The following GRID1 variants were observed in gnomAD, a reference collection of about 807,000 sequenced individuals.
GRID1 encodes glutamate ionotropic receptor delta type subunit 1.
Under a neutral mutation model 98.0 loss-of-function variants are expected in GRID1, and 28 were observed. The ratio of observed to expected loss-of-function variants is 0.29; its 90% confidence interval spans 0.21 to 0.39. The LOEUF is 0.39. GRID1 is among the 10% of genes least tolerant of loss of function. The pLI is 1.00. For synonymous variants in GRID1, 553 were observed against 538.5 expected (o/e 1.03, Z -0.37); for missense variants, 1,111 against 1,340.5 (o/e 0.83, Z 2.67).
intron 2 of GRID1, among the ~76,000 whole-genome samples, chr10:86,244,431 G>A (rs749265878): frequency 1.4e-4 from 22 of 152,320 alleles, no homozygotes; most frequent in African/African-American, 1.9e-4. Context: ...TGATGCTCCC[G>A]CCCTAATTTC....
At chr10:85,648,046 A>C (rs890381977) in intron 12 of GRID1, 5 of 152,240 alleles carry the variant, frequency 3.3e-5, no homozygotes, top group Admixed American at 3.3e-4. Context: ...TGAAAAAATA[A>C]AAAAATTGGA....
chr10:86,114,619 C>T (rs948019265), intron 4 of GRID1, among the ~76,000 whole-genome samples: 1 of 152,174 alleles, frequency 6.6e-6, no homozygotes, highest in African/African-American at 2.4e-5. Flanking sequence ...TGCAGACCTG[C>T]CAGTTGGAAA....
At chr10:86,288,322 A>ACAGTCTC (rs1284916171) in intron 2 of GRID1, among the ~76,000 whole-genome samples, 1 of 152,214 alleles carries the variant, frequency 6.6e-6, no homozygotes, top group Non-Finnish European at 1.5e-5. Flanking sequence ...GGGAGAGCCC[A>ACAGTCTC]CAGTCTCCAG....
chr10:86,286,583 C>T (rs909034857), intron 2 of GRID1, among the ~76,000 whole-genome samples: 8 of 152,114 alleles, frequency 5.3e-5, no homozygotes, highest in Admixed American at 3.3e-4. Context: ...CGTGGCATCA[C>T]GAGGCAGATA....
rs74148749 is a variant in GRID1 at position 85,741,796 on chromosome 10, C to T, written c.1234-12182G>A. Among the ~76,000 whole-genome samples, 488 of 152,212 alleles carry T rather than the reference C, an allele frequency of 3.2e-3. 3 individuals are homozygous for T. Among genetic ancestry groups the T allele is most frequent in the African/African-American group, 0.011 (475 of 41,526 alleles). ...GATCCATGTCTGCCTTTAACCCCAA[C>T]CATCACACTTTCTACCTCGCTCACT... On this transcript the variant is annotated intron_variant, in intron 8 of 15. Transcript: ENST00000327946.
intron 4 of GRID1, among the ~76,000 whole-genome samples, chr10:86,056,797 C>CA (rs1361294617): frequency 1.1e-4 from 16 of 152,346 alleles, no homozygotes; most frequent in African/African-American, 3.8e-4. Context: ...GTTGCCCATA[C>CA]ATATGGCAGC....
At chr10:85,829,282 T>C (rs1842846771) in intron 8 of GRID1, among the ~76,000 whole-genome samples, 2 of 151,828 alleles carry the variant, frequency 1.3e-5, no homozygotes, top group Non-Finnish European at 2.9e-5. Flanking sequence ...CTCAACAAAC[T>C]AGGCATTAAA....
At chr10:86,040,020 C>T (rs563683749) in intron 4 of GRID1, among the ~76,000 whole-genome samples, 2 of 152,224 alleles carry the variant, frequency 1.3e-5, no homozygotes, top group Admixed American at 6.5e-5. Flanking sequence ...CTCCACAGAA[C>T]GGGATGCAAT....
At chr10:85,867,180 AG>A (rs1435286610) in intron 6 of GRID1, among the ~76,000 whole-genome samples, 1 of 152,166 alleles carries the variant, frequency 6.6e-6, no homozygotes, top group Admixed American at 6.5e-5. Flanking sequence ...CCACAGCAAA[AG>A]GGGGCATCAC....
At chr10:86,177,242 G>T (rs1425893960) in intron 3 of GRID1, among the ~76,000 whole-genome samples, 1 of 152,146 alleles carries the variant, frequency 6.6e-6, no homozygotes, top group African/African-American at 2.4e-5. Context: ...TCAGCGAAAA[G>T]GGTTATTTAG....
chr10:86,101,310 C>G (rs751429218), intron 4 of GRID1, among the ~76,000 whole-genome samples: 4 of 152,160 alleles, frequency 2.6e-5, no homozygotes, highest in African/African-American at 4.8e-5. Context: ...TAGCAAAATG[C>G]ATTATTTTGA....
intron 4 of GRID1, among the ~76,000 whole-genome samples, chr10:86,096,115 T>C (rs2131941625): frequency 6.6e-6 from 1 of 152,244 alleles, no homozygotes; most frequent in Non-Finnish European, 1.5e-5. Context: ...CCAAATGTCA[T>C]ATGTTCTCAC....
chr10:85,828,073 C>A (rs1468961432), intron 8 of GRID1, among the ~76,000 whole-genome samples: 1 of 152,020 alleles, frequency 6.6e-6, no homozygotes, highest in Non-Finnish European at 1.5e-5. Flanking sequence ...AAAATGAAAT[C>A]ATACCAAACA....
intron 2 of GRID1, among the ~76,000 whole-genome samples, chr10:86,252,064 C>A (rs1846844568): frequency 6.6e-6 from 1 of 152,182 alleles, no homozygotes; most frequent in Non-Finnish European, 1.5e-5. Flanking sequence ...AGGCTCTGAC[C>A]TTACCTGGAG....
chr10:85,768,259 A>G (rs1343239987), intron 8 of GRID1, among the ~76,000 whole-genome samples: 1 of 151,896 alleles, frequency 6.6e-6, no homozygotes, highest in Non-Finnish European at 1.5e-5. Flanking sequence ...CACAACACAC[A>G]ATACACCAGG....
intron 5 of GRID1, among the ~76,000 whole-genome samples, chr10:85,909,481 A>T (rs7070785): frequency 0.028 from 4,291 of 152,342 alleles, 161 homozygotes; most frequent in East Asian, 0.17. Context: ...AATAGCAAAA[A>T]ACCTAAAACA....
rs191114387 is a variant in GRID1 at position 85,733,689 on chromosome 10, G to A, written c.1234-4075C>T. On this transcript the variant is annotated intron_variant, in intron 8 of 15. Coordinates refer to ENST00000327946, the MANE Select transcript of GRID1 (RefSeq NM_017551.3). ...AAATCTTCCTTGCCTACAAATTGAG[G>A]GGCTGTTCAAAGAAGAAAATAACTT... Among the ~76,000 whole-genome samples, 210 of 152,150 alleles carry A rather than the reference G, an allele frequency of 1.4e-3. 2 individuals carry two copies. Among genetic ancestry groups the A allele is most frequent in the African/African-American group, 4.9e-3 (202 of 41,490 alleles).
At chr10:85,766,093 G>A (rs1842195360) in intron 8 of GRID1, among the ~76,000 whole-genome samples, 1 of 152,186 alleles carries the variant, frequency 6.6e-6, no homozygotes, top group South Asian at 2.1e-4. Flanking sequence ...GGTGGTAGAG[G>A]AGAAACAAGG....
intron 12 of GRID1, among the ~76,000 whole-genome samples, chr10:85,659,413 G>T (rs531595237): frequency 1.3e-5 from 2 of 152,198 alleles, no homozygotes; most frequent in Admixed American, 1.3e-4. Context: ...GGACTCATGT[G>T]GCTGAGAACC....
Sources: gnomAD v4.1 joint callset for allele counts (sites outside exome capture counted in the v4.1 genomes callset) on GRCh38, gnomAD v4.1.1 for gene constraint, MANE v1.5 for transcripts, NCBI Gene and HGNC (gene_info 2026-07-23, HGNC 2026-07-21) for gene names.